Variants in NRG3 observed in about 807,000 individuals in gnomAD.
The protein encoded by NRG3 is pro-neuregulin-3, membrane-bound isoform.
In NRG3, 31 loss-of-function variants were observed where a neutral mutation model predicts 66.9. That is an observed-to-expected ratio of 0.46 (90% CI 0.35 to 0.63). The LOEUF is 0.63. Ranked by LOEUF, NRG3 falls within the 20% of genes least tolerant of loss-of-function variation. NRG3 has a pLI of 0.00. For synonymous variants in NRG3, 393 were observed against 359.4 expected (o/e 1.09, Z -1.06); for missense variants, 910 against 878.9 (o/e 1.04, Z -0.45).
intron 5 of NRG3, among the ~76,000 whole-genome samples, chr10:82,956,383 C>A (rs923151061): frequency 1.3e-5 from 2 of 151,762 alleles, no homozygotes; most frequent in Non-Finnish European, 2.9e-5. Flanking sequence ...TCTCTGTTCC[C>A]ATTTTCTGGG....
intron 1 of NRG3, among the ~76,000 whole-genome samples, chr10:82,178,487 C>T (rs1019404689): frequency 5.9e-5 from 9 of 152,146 alleles, no homozygotes; most frequent in African/African-American, 2.2e-4. Flanking sequence ...ATTTGCCCTT[C>T]TGTGACTGAC....
chr10:82,199,172 GAAA>G (rs754643270), intron 1 of NRG3, among the ~76,000 whole-genome samples: 2 of 106,572 alleles, frequency 1.9e-5, no homozygotes, highest in Non-Finnish European at 4.0e-5. Flanking sequence ...ACTCTGTCCG[GAAA>G]AAAAAAAAAA....
intron 2 of NRG3, among the ~76,000 whole-genome samples, chr10:82,620,656 G>T (rs2048982988): frequency 6.6e-6 from 1 of 152,122 alleles, no homozygotes; most frequent in African/African-American, 2.4e-5. Context: ...TTGGTAAAAA[G>T]ACGTTATTCA....
At position 82,021,783 on chromosome 10, in the gene NRG3, AGTATGTGTGT is replaced by A. The variant is rs1280379731; in HGVS notation, c.823+145623_823+145632del. 8.2e-3 allele frequency among the ~76,000 whole-genome samples: 1,208 copies of A among 146,524 alleles called. 13 individuals are homozygous for A. The highest frequency in any genetic ancestry group is 0.035 in the Middle Eastern group (10 of 286). On this transcript the variant is annotated intron_variant, in intron 1 of 8. Coordinates refer to ENST00000372141, the MANE Select transcript of NRG3 (RefSeq NM_001010848.4). ...AACTCTAATAAGCTTTTGGGCATGT[AGTATGTGTGT>A]GTGTGTGTGTGTGTGTGTGTGTGTG...
chr10:82,199,165 C>T (rs1248796187), intron 1 of NRG3, among the ~76,000 whole-genome samples: 6 of 135,086 alleles, frequency 4.4e-5, no homozygotes, highest in African/African-American at 1.1e-4. Context: ...GAGTGAGACT[C>T]TGTCCGGAAA....
chr10:82,069,284 C>A (rs1308705680), intron 1 of NRG3, among the ~76,000 whole-genome samples: 1 of 152,128 alleles, frequency 6.6e-6, no homozygotes, highest in African/African-American at 2.4e-5. Context: ...GAACTGCATG[C>A]ACGAGGTACC....
intron 1 of NRG3, chr10:81,889,642 T>G (rs1842871926): frequency 6.6e-6 from 1 of 152,200 alleles, no homozygotes; most frequent in Non-Finnish European, 1.5e-5. Context: ...CAATGGCATC[T>G]CTCTTCTATT....
chr10:82,766,637 G>A (rs184259524), intron 3 of NRG3, among the ~76,000 whole-genome samples: 3 of 152,002 alleles, frequency 2.0e-5, no homozygotes, highest in African/African-American at 4.8e-5. Context: ...GAGTTATCTT[G>A]TAGTTCAGCT....
chr10:82,504,224 A>C (rs930223344), intron 2 of NRG3, among the ~76,000 whole-genome samples: 1 of 152,190 alleles, frequency 6.6e-6, no homozygotes, highest in African/African-American at 2.4e-5. Context: ...TGGGGCACTC[A>C]TTGAGTACTG....
intron 1 of NRG3, among the ~76,000 whole-genome samples, chr10:82,171,261 A>T (rs907803183): frequency 1.4e-4 from 21 of 152,020 alleles, no homozygotes; most frequent in Admixed American, 7.9e-4. Flanking sequence ...TGGCCCAGTG[A>T]TGTACTAAAA....
At chr10:82,905,815 G>A (rs1844681997) in intron 4 of NRG3, among the ~76,000 whole-genome samples, 1 of 152,074 alleles carries the variant, frequency 6.6e-6, no homozygotes, top group African/African-American at 2.4e-5. Context: ...TCATCTGGAT[G>A]CACTGAGGGA....
chr10:82,324,778 G>A (rs988461253), intron 1 of NRG3, among the ~76,000 whole-genome samples: 2 of 152,110 alleles, frequency 1.3e-5, no homozygotes, highest in South Asian at 2.1e-4. Context: ...CACATGCATT[G>A]TATGAGTTGA....
At position 82,712,660 on chromosome 10, in the gene NRG3, G is replaced by A. The variant is rs115651357; in HGVS notation, c.954-25917G>A. Among the ~76,000 whole-genome samples the A allele has an allele frequency of 4.7e-3, 716 of 152,262 alleles. 4 individuals are homozygous for A. The highest frequency in any genetic ancestry group is 0.017 in the African/African-American group (686 of 41,548). ...ATGGGAGTCAGATGGCAAAGTTAAA[G>A]ATGCTGGTCAGGGCAGGGCTCACTG... On this transcript the variant is annotated intron_variant, in intron 2 of 8. Coordinates refer to ENST00000372141, the MANE Select transcript of NRG3 (RefSeq NM_001010848.4).
intron 2 of NRG3, among the ~76,000 whole-genome samples, chr10:82,588,227 G>T (rs1257371013): frequency 6.6e-6 from 1 of 152,148 alleles, no homozygotes; most frequent in Non-Finnish European, 1.5e-5. Context: ...CCCAGAGTTG[G>T]AGGTAGGGCC....
At chr10:82,429,273 A>G (rs1264061192) in intron 2 of NRG3, among the ~76,000 whole-genome samples, 4 of 152,072 alleles carry the variant, frequency 2.6e-5, no homozygotes, top group African/African-American at 9.6e-5. Context: ...TATCTGTTAT[A>G]TTTACCTATG....
intron 2 of NRG3, among the ~76,000 whole-genome samples, chr10:82,450,198 A>G (rs1201519955): frequency 6.6e-6 from 1 of 152,168 alleles, no homozygotes; most frequent in Non-Finnish European, 1.5e-5. Flanking sequence ...TGTTTTGTTT[A>G]AGTTAGGATT....
chr10:82,851,820 A>C (rs1444491426), intron 3 of NRG3, among the ~76,000 whole-genome samples: 2 of 152,200 alleles, frequency 1.3e-5, no homozygotes, highest in Non-Finnish European at 2.9e-5. Context: ...AAAATTAAGC[A>C]AATCATTTAA....
chr10:81,992,945 C>G (rs1450242770), intron 1 of NRG3, among the ~76,000 whole-genome samples: 1 of 152,140 alleles, frequency 6.6e-6, no homozygotes, highest in African/African-American at 2.4e-5. Flanking sequence ...GTAATGAAAC[C>G]TGTGATTAAT....
At chr10:82,231,868 T>A (rs921281720) in intron 1 of NRG3, among the ~76,000 whole-genome samples, 1 of 152,204 alleles carries the variant, frequency 6.6e-6, no homozygotes, top group Non-Finnish European at 1.5e-5. Flanking sequence ...GTTAAACAGT[T>A]TTCTCTTAAA....
Sources: gnomAD v4.1 joint callset for allele counts (sites outside exome capture counted in the v4.1 genomes callset) on GRCh38, gnomAD v4.1.1 for gene constraint, MANE v1.5 for transcripts, NCBI Gene and HGNC (gene_info 2026-07-23, HGNC 2026-07-21) for gene names.